The following DNAH8 variants were observed in gnomAD, a reference collection of about 807,000 sequenced individuals.
The protein encoded by DNAH8 is axonemal beta dynein heavy chain 8.
Under a neutral mutation model 562.1 loss-of-function variants are expected in DNAH8, and 382 were observed. That is an observed-to-expected ratio of 0.68 (90% CI 0.63 to 0.74). The LOEUF is 0.74. DNAH8 is among the 30% of genes least tolerant of loss of function. The pLI, the probability that DNAH8 is intolerant of heterozygous loss-of-function variation, is 0.00. For synonymous variants in DNAH8, 1,881 were observed against 1,919.4 expected (o/e 0.98, Z 0.52); for missense variants, 5,203 against 5,620.4 (o/e 0.93, Z 2.37).
At chr6:38,736,064 C>T (rs564526992) in intron 5 of DNAH8, among the ~76,000 whole-genome samples, 2 of 152,036 alleles carry the variant, frequency 1.3e-5, no homozygotes, top group Non-Finnish European at 2.9e-5. Flanking sequence ...CTTGAGTCCC[C>T]AAGGCAGAGG....
At position 38,791,786 on chromosome 6, in the gene DNAH8, T is replaced by TG. The variant is rs990312255; in HGVS notation, c.2901+112_2901+113insG. 9.3e-5 allele frequency: 103 copies of TG among 1,103,932 alleles called. No individual in the cohort carries two copies. In the East Asian group the frequency reaches 1.6e-3, roughly 17 times the overall value. 68.4% of individuals were successfully genotyped at this position (1,103,932 alleles called of 1,614,324 possible). A position where few individuals can be genotyped will look rare whatever the true frequency, so the allele number is the denominator to read the frequency against. On this transcript the variant is annotated intron_variant, in intron 21 of 92. Transcript: ENST00000327475. ...GGGTCAGTAGCATTTAGACTTTTTTTTTTTGTTTTTTGTGAACATTCTCTG... is the reference window on the plus strand; with the variant it reads ...GGGTCAGTAGCATTTAGACTTTTTTTGTTTTGTTTTTTGTGAACATTCTCTG...
In DNAH8 at chr6:38,857,525, T is replaced by G. The variant is rs1202538198; in HGVS notation, c.5741T>G (p.Leu1914Arg). Reference protein sequence around the residue: ...FLSHFPAQVGLLGIQMLWTHD... With the variant: ...FLSHFPAQVGRLGIQMLWTHD... ...TTTCTGCTGGATCTGTAGGTTGGAC[T>G]TCTGGGAATTCAGATGTTGTGGACA... The change falls in exon 42 of 93, where the codon CTT becomes CGT. Residue 1914 changes from leucine (L) to arginine (R), a missense_variant. Physicochemically the swap from Leu to Arg is moderately radical, Grantham distance 102. Around this residue, in one of 6 missense-constraint regions of DNAH8, gnomAD observed 2,176 missense variants for 2,365.1 expected, o/e 0.92. Transcript: ENST00000327475. 5 of 1,607,960 alleles carry G rather than the reference T, an allele frequency of 3.1e-6. No individual in the cohort carries two copies. In the Admixed American group the frequency reaches 6.7e-5, roughly 22 times the overall value.
intron 8 of DNAH8, among the ~76,000 whole-genome samples, chr6:38,742,407 C>T (rs1458577940): frequency 6.6e-6 from 1 of 152,126 alleles, no homozygotes. Flanking sequence ...AAGCGATTAT[C>T]TTGCCTCAGC....
intron 88 of DNAH8, among the ~76,000 whole-genome samples, chr6:38,996,615 C>G (rs937579535): frequency 6.6e-6 from 1 of 152,168 alleles, no homozygotes; most frequent in Non-Finnish European, 1.5e-5. Context: ...GTGGGTAAGT[C>G]CAGGTGTGTG....
intron 41 of DNAH8, 146 bp downstream of exon 41, chr6:38,853,493 G>A (rs554202089): frequency 1.2e-6 from 1 of 836,338 alleles, no homozygotes; most frequent in South Asian, 1.7e-5. Context: ...TTTAGCCTCA[G>A]CTCCCAACCA....
In DNAH8 at chr6:39,030,452, A is replaced by ACTCAGTGATGTGTGTGTCTTTT; in HGVS notation, c.*64_*85dup. The ACTCAGTGATGTGTGTGTCTTTT allele has an allele frequency of 1.4e-6, 2 of 1,424,596 alleles. No individual in the cohort carries two copies. The highest frequency in any genetic ancestry group is 1.9e-6 in the Non-Finnish European group (2 of 1,030,876). 88.2% of individuals were successfully genotyped at this position (1,424,596 alleles called of 1,614,324 possible). On this transcript the variant is annotated 3_prime_UTR_variant, in exon 93 of 93. Coordinates refer to ENST00000327475, the MANE Select transcript of DNAH8 (RefSeq NM_001206927.2). ...CATAGACAGCCTGTGCTATTGAGGG[A>ACTCAGTGATGTGTGTGTCTTTT]CTCAGTGATGTGTGTGTCTTTTCTC...
intron 45 of DNAH8, among the ~76,000 whole-genome samples, chr6:38,865,921 C>A (rs1267531747): frequency 6.6e-6 from 1 of 152,214 alleles, no homozygotes; most frequent in Admixed American, 6.5e-5. Flanking sequence ...TAACTCATTC[C>A]TGTTGGCCTT....
intron 77 of DNAH8, among the ~76,000 whole-genome samples, chr6:38,937,427 A>G (rs111686984): frequency 7.2e-5 from 11 of 152,210 alleles, no homozygotes; most frequent in Admixed American, 6.5e-4. Context: ...CATTTTCACT[A>G]TACCCAATTT....
At chr6:38,750,632 G>A (rs1411220952) in intron 9 of DNAH8, 43 bp downstream of exon 9, 2 of 1,227,088 alleles carry the variant, frequency 1.6e-6, no homozygotes, top group East Asian at 4.8e-5. Context: ...GAGGGCAGTG[G>A]CTCGCATCTG....
At position 38,883,967 on chromosome 6, in the gene DNAH8, A is replaced by G; in HGVS notation, c.8228A>G (p.Asn2743Ser). The stretch of plus-strand genomic sequence containing the variant: ...ATGACTGTATTTATTGATGATATTA[A>G]TATGCCTGTGATTAATGAGTGGGGA... ...RKMTVFIDDI[N>S]MPVINEWGDQ... The change falls in exon 56 of 93, where the codon AAT becomes AGT. Residue 2743 changes from asparagine to serine, a missense_variant. Physicochemically the swap from Asn to Ser is conservative, Grantham distance 46 (BLOSUM62 1). This residue lies in a region of DNAH8 where 977 missense variants were observed against 1,061.8 expected (regional missense o/e 0.92). Coordinates refer to ENST00000327475, the MANE Select transcript of DNAH8 (RefSeq NM_001206927.2). The G allele has an allele frequency of 6.3e-7, 1 of 1,580,300 alleles. No individual in the cohort carries two copies. Among genetic ancestry groups the G allele is most frequent in the Non-Finnish European group, 8.6e-7 (1 of 1,161,516 alleles).
At chr6:38,744,712 C>T (rs1764789074) in intron 8 of DNAH8, among the ~76,000 whole-genome samples, 1 of 152,028 alleles carries the variant, frequency 6.6e-6, no homozygotes, top group Admixed American at 6.6e-5. Context: ...CCTGCCTCAG[C>T]CTCCTGAGTA....
rs531550201 is a variant in DNAH8 at position 39,012,698 on chromosome 6, G to A, written c.13714+61G>A. Reference sequence around the variant, plus strand: ...TTGTGTATTGTTGGATAGTAGCATCGTGTGATAAATATATACCATATAAAA... The same window carrying A: ...TTGTGTATTGTTGGATAGTAGCATCATGTGATAAATATATACCATATAAAA... On this transcript the variant is annotated intron_variant, in intron 91 of 92. Transcript: ENST00000327475. 1.5e-5 allele frequency: 20 copies of A among 1,311,866 alleles called. No homozygotes were observed. The East Asian group carries it at 3.0e-4, about 20-fold the overall frequency. The allele number at this position is 1,311,866 out of a possible 1,614,324, so 81.3% of individuals were successfully genotyped here.
Position 38,870,529 on chromosome 6 carries a change from T to A in DNAH8, c.6957T>A (p.Ile2319=), listed in dbSNP as rs1777387932. Reference sequence around the variant, plus strand: ...ATCAGGTTCAGATAGAGGGTTTGATTAACCATCCACCCTGGAACCTGAAAC... The same window carrying A: ...ATCAGGTTCAGATAGAGGGTTTGATAAACCATCCACCCTGGAACCTGAAAC... ...VAHQVQIEGL[I]NHPPWNLKLV... Residue 2319 remains isoleucine (I), a synonymous_variant, in exon 49 of 93, where the codon ATT becomes ATA. Coordinates refer to ENST00000327475, the MANE Select transcript of DNAH8 (RefSeq NM_001206927.2). 1.9e-6 allele frequency: 3 copies of A among 1,614,054 alleles called. No individual in the cohort carries two copies. Among genetic ancestry groups the A allele is most frequent in the Middle Eastern group, 1.6e-4 (1 of 6,062 alleles).
intron 82 of DNAH8, among the ~76,000 whole-genome samples, chr6:38,961,120 A>G (rs1376701495): frequency 6.6e-6 from 1 of 151,994 alleles, no homozygotes; most frequent in Non-Finnish European, 1.5e-5. Flanking sequence ...ACTCTTGAGA[A>G]TCTAACAAAT....
intron 72 of DNAH8, 27 bp downstream of exon 72, chr6:38,923,212 C>A: frequency 2.5e-6 from 4 of 1,610,882 alleles, no homozygotes; most frequent in Non-Finnish European, 3.4e-6. Flanking sequence ...TCTTCATAAT[C>A]ACTCTTTCTT....
chr6:38,832,991 C>T (rs527271818), intron 31 of DNAH8, among the ~76,000 whole-genome samples: 6 of 151,988 alleles, frequency 3.9e-5, no homozygotes, highest in African/African-American at 1.4e-4. Flanking sequence ...ACTTCTAATA[C>T]CAGGATATTA....
rs748253698 is a variant in DNAH8, at chr6:38,790,366, C to T, written c.2742C>T (p.Val914=). ...CACTGGAAAGCTTCTTTCAAGAAGT[C>T]GAATTAGTTTTGGATATGTTCAATC... ...SLTLESFFQE[V]ELVLDMFNQL... The change falls in exon 20 of 93, where the codon GTC becomes GTT. Residue 914 remains valine, a synonymous_variant. Transcript: ENST00000327475. 1.5e-5 allele frequency: 24 copies of T among 1,604,708 alleles called. No individual in the cohort carries two copies. The highest frequency in any genetic ancestry group is 2.2e-5 in the East Asian group (1 of 44,588).
intron 42 of DNAH8, among the ~76,000 whole-genome samples, chr6:38,859,617 A>G (rs574005029): frequency 3.3e-5 from 5 of 152,294 alleles, no homozygotes; most frequent in Middle Eastern, 6.8e-3. Flanking sequence ...GTTTCACTGG[A>G]AAGTCACGAA....
chr6:38,897,657 G>A (rs1334818632), intron 60 of DNAH8, among the ~76,000 whole-genome samples: 4 of 152,140 alleles, frequency 2.6e-5, no homozygotes, highest in African/African-American at 9.7e-5. Flanking sequence ...GTTTATGCCT[G>A]TAATACCCGC....
Sources: allele counts gnomAD v4.1 joint callset (sites outside exome capture counted in the v4.1 genomes callset), GRCh38; gene constraint gnomAD v4.1.1; regional missense constraint gnomAD v4.1.1; transcripts MANE v1.5; gene names NCBI Gene and HGNC (gene_info 2026-07-23, HGNC 2026-07-21).